Variants in CCSER1 observed in about 807,000 individuals in gnomAD.
The protein encoded by CCSER1 is serine-rich coiled-coil domain-containing protein 1.
In CCSER1, 41 loss-of-function variants were observed where a neutral mutation model predicts 82.0. The observed-to-expected ratio is 0.50, with a 90% CI of 0.39 to 0.65. The LOEUF is 0.65. CCSER1 is among the 30% of genes least tolerant of loss of function. The pLI is 0.00. For missense variants in CCSER1, 1,119 were observed against 1,064.2 expected (o/e 1.05, Z -0.72); for synonymous variants, 414 against 383.9 (o/e 1.08, Z -0.92).
At chr4:91,276,401 A>G (rs1403235446) in intron 10 of CCSER1, among the ~76,000 whole-genome samples, 1 of 142,750 alleles carries the variant, frequency 7.0e-6, no homozygotes, top group Non-Finnish European at 1.5e-5. Flanking sequence ...TAATTTTTGT[A>G]GCTATTGAAA....
chr4:90,929,678 A>G (rs188673094), intron 9 of CCSER1, among the ~76,000 whole-genome samples: 20 of 152,348 alleles, frequency 1.3e-4, no homozygotes, highest in African/African-American at 4.8e-4. Context: ...GATGTCATCT[A>G]TGAAAGTTCT....
At chr4:91,501,988 T>C (rs1266828167) in intron 10 of CCSER1, among the ~76,000 whole-genome samples, 2 of 152,190 alleles carry the variant, frequency 1.3e-5, no homozygotes, top group East Asian at 3.8e-4. Context: ...TGTTAGTTAA[T>C]TGGCTTTAGA....
chr4:90,948,734 C>T (rs940354586), intron 9 of CCSER1, among the ~76,000 whole-genome samples: 2 of 151,930 alleles, frequency 1.3e-5, no homozygotes, highest in African/African-American at 4.8e-5. Flanking sequence ...AAATATCAGA[C>T]TATTAAGTTC....
At chr4:90,864,873 A>G (rs1214716282) in intron 8 of CCSER1, among the ~76,000 whole-genome samples, 1 of 152,026 alleles carries the variant, frequency 6.6e-6, no homozygotes, top group South Asian at 2.1e-4. Context: ...TATCACCAAT[A>G]TCTTTTCTTT....
Position 90,839,795 on chromosome 4 carries a change from G to A in CCSER1, c.2094+23950G>A, listed in dbSNP as rs867639350. On this transcript the variant is annotated intron_variant, in intron 8 of 10. Transcript: ENST00000509176. ...AATTCTTCTCCCATTCTTCTAAAAG[G>A]GTAGAAGTTCATACTTTAAAATTTA... Among the ~76,000 whole-genome samples, 20 of 152,110 alleles carry A rather than the reference G, an allele frequency of 1.3e-4. No individual in the cohort carries two copies. In the Middle Eastern group the frequency reaches 0.014, roughly 104 times the overall value.
At chr4:90,595,240 T>C (rs1168375940) in intron 5 of CCSER1, among the ~76,000 whole-genome samples, 3 of 151,972 alleles carry the variant, frequency 2.0e-5, no homozygotes, top group Non-Finnish European at 4.4e-5. Flanking sequence ...TTAAAACTCA[T>C]AGTGGTCTAT....
intron 1 of CCSER1, among the ~76,000 whole-genome samples, chr4:90,254,557 C>A (rs1483533835): frequency 6.6e-6 from 1 of 152,104 alleles, no homozygotes; most frequent in East Asian, 1.9e-4. Context: ...CTGTTCTTGC[C>A]TGCAGTGGAG....
intron 8 of CCSER1, among the ~76,000 whole-genome samples, chr4:90,853,275 A>G (rs1764089836): frequency 6.6e-6 from 1 of 152,124 alleles, no homozygotes. Context: ...AATACCCTTT[A>G]GAGATGTTCA....
At chr4:91,459,145 T>TTA (rs1553940540) in intron 10 of CCSER1, among the ~76,000 whole-genome samples, 1 of 151,820 alleles carries the variant, frequency 6.6e-6, no homozygotes, top group African/African-American at 2.4e-5. Context: ...AGTCTTTTTT[T>TTA]AAAAACAGAA....
At position 91,203,845 on chromosome 4, in the gene CCSER1, T is replaced by C. The variant is rs1736128481; in HGVS notation, c.2217+117851T>C. On this transcript the variant is annotated intron_variant, in intron 10 of 10. Coordinates refer to ENST00000509176, the MANE Select transcript of CCSER1 (RefSeq NM_001145065.2). ...TTTGACCATACTGATTACTGTCTGTTGAATCTACAGTTCATTAGATCTGAG... is the reference window on the plus strand; with the variant it reads ...TTTGACCATACTGATTACTGTCTGTCGAATCTACAGTTCATTAGATCTGAG... Among the ~76,000 whole-genome samples, 2 of 151,900 alleles carry C rather than the reference T, an allele frequency of 1.3e-5. 1 individual carries two copies. Among genetic ancestry groups the C allele is most frequent in the South Asian group, 4.1e-4 (2 of 4,830 alleles).
chr4:91,554,520 C>T (rs1762314850), intron 10 of CCSER1, among the ~76,000 whole-genome samples: 1 of 151,024 alleles, frequency 6.6e-6, no homozygotes, highest in African/African-American at 2.4e-5. Flanking sequence ...ACACTGAACA[C>T]TGAAAAACAT....
chr4:90,642,674 T>G (rs578161027), intron 6 of CCSER1, among the ~76,000 whole-genome samples: 8 of 152,170 alleles, frequency 5.3e-5, no homozygotes, highest in African/African-American at 1.7e-4. Context: ...TCATCTTTAC[T>G]AAAAATAAAA....
intron 4 of CCSER1, among the ~76,000 whole-genome samples, chr4:90,458,127 CCTCAAGAG>C (rs1172791249): frequency 6.6e-6 from 1 of 152,074 alleles, no homozygotes; most frequent in Non-Finnish European, 1.5e-5. Context: ...ATTCCTGGGC[CCTCAAGAG>C]CTCAGGAATT....
At chr4:90,498,550 A>T (rs1769372073) in intron 5 of CCSER1, among the ~76,000 whole-genome samples, 1 of 152,332 alleles carries the variant, frequency 6.6e-6, no homozygotes, top group East Asian at 1.9e-4. Flanking sequence ...AATAGACTTG[A>T]AGTATAAGTT....
chr4:90,811,272 T>G lies in CCSER1; in HGVS notation c.2011-4490T>G, dbSNP rs116580481. On this transcript the variant is annotated intron_variant, in intron 7 of 10. Coordinates refer to ENST00000509176, the MANE Select transcript of CCSER1 (RefSeq NM_001145065.2). ...GATGTGAAACAACATTGCATTTCAG[T>G]GCTGTAGGAATGAACAAAGTGAGGA... 3.3e-4 allele frequency among the ~76,000 whole-genome samples: 51 copies of G among 152,254 alleles called. No homozygotes were observed. In the South Asian group the frequency reaches 0.011, roughly 32 times the overall value.
intron 5 of CCSER1, among the ~76,000 whole-genome samples, chr4:90,551,706 C>CTATATATATATATATATA (rs1553940962): frequency 2.9e-5 from 3 of 104,220 alleles, no homozygotes; most frequent in Admixed American, 1.1e-4. Flanking sequence ...CTCTCTCTCT[C>CTATATATATATATATATA]TATATATATA....
At chr4:90,751,944 T>C (rs974123922) in intron 7 of CCSER1, among the ~76,000 whole-genome samples, 1 of 152,116 alleles carries the variant, frequency 6.6e-6, no homozygotes, top group Non-Finnish European at 1.5e-5. Context: ...GGTATAATTT[T>C]AGAATGGACC....
intron 10 of CCSER1, among the ~76,000 whole-genome samples, chr4:91,409,614 A>G (rs1462413691): frequency 6.6e-6 from 1 of 152,240 alleles, no homozygotes; most frequent in East Asian, 1.9e-4. Flanking sequence ...TCAAAATCTT[A>G]TAGCTACCCA....
intron 10 of CCSER1, among the ~76,000 whole-genome samples, chr4:91,528,917 C>A (rs1760897494): frequency 6.6e-6 from 1 of 152,100 alleles, no homozygotes; most frequent in African/African-American, 2.4e-5. Flanking sequence ...AGAAAAACTG[C>A]ATCAGAATTG....
Sources: gnomAD v4.1 joint callset for allele counts (sites outside exome capture counted in the v4.1 genomes callset) on GRCh38, gnomAD v4.1.1 for gene constraint, MANE v1.5 for transcripts, NCBI Gene and HGNC (gene_info 2026-07-23, HGNC 2026-07-21) for gene names.